LONP2: variants seen among roughly 807,000 people sequenced by gnomAD.
The protein encoded by LONP2 is lon peptidase 2, peroxisomal.
A neutral mutation model predicts 85.6 loss-of-function variants in LONP2; 60 were observed. That is an observed-to-expected ratio of 0.70 (90% CI 0.57 to 0.87). The LOEUF (loss-of-function observed/expected upper bound fraction) is 0.87, where lower values mean the gene tolerates loss of function less well. Among genes scored for constraint, LONP2 ranks in the 40% least tolerant of loss-of-function variants. The pLI is 0.00. For synonymous variants in LONP2, 395 were observed against 389.7 expected, an observed-to-expected ratio of 1.01 and a Z score of -0.16; for missense variants, 860 against 1,063.5, an observed-to-expected ratio of 0.81 and a Z score of 2.66.
chr16:48,265,583 T>C (rs1188656779), intron 6 of LONP2, among the ~76,000 whole-genome samples: 2 of 152,204 alleles, frequency 1.3e-5, no homozygotes, highest in African/African-American at 2.4e-5. Flanking sequence ...TTGGTCCGTG[T>C]GTCTGTTTTT....
intron 8 of LONP2, among the ~76,000 whole-genome samples, chr16:48,289,162 C>T (rs760865695): frequency 4.6e-5 from 7 of 152,184 alleles, no homozygotes; most frequent in East Asian, 3.9e-4. Flanking sequence ...TCTGTGAACC[C>T]GGAAAATTTG....
At chr16:48,351,366 A>C (rs1960140088) in intron 14 of LONP2, among the ~76,000 whole-genome samples, 1 of 152,172 alleles carries the variant, frequency 6.6e-6, no homozygotes, top group Non-Finnish European at 1.5e-5. Context: ...AATCCCCCTC[A>C]TCAGAGTCTT....
chr16:48,324,761 A>G (rs1386786086), intron 11 of LONP2, among the ~76,000 whole-genome samples: 2 of 152,078 alleles, frequency 1.3e-5, no homozygotes, highest in Admixed American at 1.3e-4. Context: ...TCTGACTTTC[A>G]TTTTATTGAT....
At chr16:48,287,736 A>C (rs1213362431) in intron 8 of LONP2, among the ~76,000 whole-genome samples, 1 of 152,182 alleles carries the variant, frequency 6.6e-6, no homozygotes, top group Non-Finnish European at 1.5e-5. Flanking sequence ...AAATATCACA[A>C]AGCTCGTTCT....
At chr16:48,290,950 CCAGT>C (rs1972547054) in intron 8 of LONP2, among the ~76,000 whole-genome samples, 1 of 152,132 alleles carries the variant, frequency 6.6e-6, no homozygotes, top group South Asian at 2.1e-4. Context: ...CTGCCAGCCA[CCAGT>C]CAATCACTAA....
Position 48,351,597 on chromosome 16 carries a change from A to G in LONP2, c.2354A>G (p.Asp785Gly), listed in dbSNP as rs1555486088. ...GLVLPVGGIK[D>G]KVLAAHRAGL... ...TCCTTACAGGTGGGTGGAATTAAAG[A>G]CAAAGTGCTGGCGGCACACAGAGCG... The change falls in exon 15 of 15, where the codon GAC becomes GGC. Residue 785 changes from aspartate (D) to glycine (G), a missense_variant. Transcript: ENST00000285737. 1 of 1,613,974 alleles carries G rather than the reference A, an allele frequency of 6.2e-7. No homozygotes were observed. The highest frequency in any genetic ancestry group is 1.1e-5 in the South Asian group (1 of 91,078).
chr16:48,348,422 G>A (rs1960037377), intron 14 of LONP2, 132 bp downstream of exon 14: 1 of 372,002 alleles, frequency 2.7e-6, no homozygotes, highest in Non-Finnish European at 4.4e-6. Flanking sequence ...TTTTATGCCT[G>A]TAACTAATTC....
chr16:48,296,252 G>T, intron 9 of LONP2, 87 bp downstream of exon 9: 1 of 1,399,720 alleles, frequency 7.1e-7, no homozygotes, highest in Admixed American at 2.1e-5. Flanking sequence ...TTGACTAAAA[G>T]AAGTTCATTT....
chr16:48,262,551 G>A (rs1362260685), intron 5 of LONP2, among the ~76,000 whole-genome samples: 1 of 152,186 alleles, frequency 6.6e-6, no homozygotes, highest in Non-Finnish European at 1.5e-5. Flanking sequence ...CTCCCTGGTG[G>A]GACTCCAGAA....
In LONP2 at chr16:48,270,184, T is replaced by C; in HGVS notation, c.1151T>C (p.Val384Ala). Residue 384 changes from valine (V) to alanine (A), a missense_variant, in exon 7 of 15, where the codon GTG becomes GCG. By Grantham distance (64) the Val-to-Ala change is moderately conservative. Around this residue, in one of 3 missense-constraint regions of LONP2, gnomAD observed 743 missense variants for 917.3 expected, o/e 0.81. Coordinates refer to ENST00000285737, the MANE Select transcript of LONP2 (RefSeq NM_031490.5). ...CCTCCTGGAGTTGGTAAAACAAGTG[T>C]GGGAAGATCAGTGGCCAAGACTCTA... The part of the protein sequence containing the change: ...VGPPGVGKTS[V>A]GRSVAKTLGR... 1.9e-6 allele frequency: 3 copies of C among 1,614,034 alleles called. No individual in the cohort carries two copies. Among genetic ancestry groups the C allele is most frequent in the Non-Finnish European group, 2.5e-6 (3 of 1,179,972 alleles).
intron 6 of LONP2, among the ~76,000 whole-genome samples, chr16:48,268,689 T>C (rs528295514): frequency 6.6e-6 from 1 of 152,256 alleles, no homozygotes; most frequent in South Asian, 2.1e-4. Context: ...ATATATTCAT[T>C]GGTTGGGTTC....
rs189693001 is a variant in LONP2, at chr16:48,271,166, A to T, written c.1241+892A>T. 1.9e-3 allele frequency among the ~76,000 whole-genome samples: 289 copies of T among 152,002 alleles called. 10 individuals are homozygous for T. The highest frequency in any genetic ancestry group is 0.019 in the Admixed American group (288 of 15,274). ...ACTGCACGCCAGCCTGGAGACAGAGACATTATCTCAAACAAACAAACAAAC... is the reference window on the plus strand; with the variant it reads ...ACTGCACGCCAGCCTGGAGACAGAGTCATTATCTCAAACAAACAAACAAAC... On this transcript the variant is annotated intron_variant, in intron 7 of 14. Coordinates refer to ENST00000285737, the MANE Select transcript of LONP2 (RefSeq NM_031490.5).
chr16:48,250,758 A>G (rs998481623), intron 1 of LONP2, among the ~76,000 whole-genome samples: 1 of 152,206 alleles, frequency 6.6e-6, no homozygotes, highest in African/African-American at 2.4e-5. Context: ...GTTATTCTCT[A>G]ATCAGTTTAG....
chr16:48,276,377 G>A (rs1972207945), intron 7 of LONP2, among the ~76,000 whole-genome samples: 1 of 152,188 alleles, frequency 6.6e-6, no homozygotes, highest in Admixed American at 6.6e-5. Context: ...TGAGGTAACT[G>A]TGGCTGTTCC....
chr16:48,301,352 A>T (rs1194626250), intron 10 of LONP2, among the ~76,000 whole-genome samples: 10 of 152,152 alleles, frequency 6.6e-5, no homozygotes, highest in South Asian at 2.1e-4. Flanking sequence ...TTATTTATTT[A>T]TTTTTTAAGA....
intron 8 of LONP2, among the ~76,000 whole-genome samples, chr16:48,282,181 G>A (rs1401730321): frequency 2.0e-5 from 3 of 152,110 alleles, no homozygotes; most frequent in African/African-American, 4.8e-5. Context: ...GGCCGAGGCG[G>A]GTGGATTGCC....
chr16:48,299,574 T>G, intron 9 of LONP2, 88 bp from the exon 10 acceptor site: 1 of 1,427,876 alleles, frequency 7.0e-7, no homozygotes, highest in Non-Finnish European at 9.5e-7. Context: ...AGAGCAAGAC[T>G]CTGTCTCTAA....
At chr16:48,263,595 C>G (rs1005606931) in intron 6 of LONP2, among the ~76,000 whole-genome samples, 1 of 152,148 alleles carries the variant, frequency 6.6e-6, no homozygotes, top group African/African-American at 2.4e-5. Context: ...TTTCTTTATT[C>G]ACTTATGTGT....
At chr16:48,301,491 C>T (rs1351227989) in intron 10 of LONP2, among the ~76,000 whole-genome samples, 2 of 150,428 alleles carry the variant, frequency 1.3e-5, no homozygotes, top group East Asian at 2.1e-4. Context: ...AGGTGCATGC[C>T]GGGCGTGGTG....
Sources: allele counts gnomAD v4.1 joint callset (sites outside exome capture counted in the v4.1 genomes callset), GRCh38; gene constraint gnomAD v4.1.1; regional missense constraint gnomAD v4.1.1; transcripts MANE v1.5; gene names NCBI Gene and HGNC (gene_info 2026-07-23, HGNC 2026-07-21).